The following SDC4 variants were observed in gnomAD, a reference collection of about 807,000 sequenced individuals.
SDC4 encodes the protein syndecan 4, also known as syndecan-4.
A neutral mutation model predicts 20.5 loss-of-function variants in SDC4; 17 were observed. The ratio of observed to expected loss-of-function variants is 0.83; its 90% CI spans 0.57 to 1.25. The LOEUF is 1.25. Ranked by LOEUF, SDC4 falls within the 50% of genes most tolerant of loss-of-function variation. The pLI, the probability that SDC4 is intolerant of heterozygous loss-of-function variation, is 0.00. For missense variants in SDC4, 241 were observed against 252.3 expected (o/e 0.96, Z 0.30); for synonymous variants, 107 against 105.3 (o/e 1.02, Z -0.10).
intron 1 of SDC4, among the ~76,000 whole-genome samples, chr20:45,338,421 A>G (rs1220798125): frequency 6.6e-6 from 1 of 152,176 alleles, no homozygotes; most frequent in Admixed American, 6.5e-5. Flanking sequence ...CCAGCTGTTG[A>G]CCAGGTCAAA....
chr20:45,345,217 C>A (rs535293616), intron 1 of SDC4: 1 of 152,144 alleles, frequency 6.6e-6, no homozygotes, highest in Non-Finnish European at 1.5e-5. Flanking sequence ...TTCCTGCCCT[C>A]AGTGTGCGGG....
At chr20:45,338,333 C>A (rs960030460) in intron 1 of SDC4, among the ~76,000 whole-genome samples, 1 of 152,032 alleles carries the variant, frequency 6.6e-6, no homozygotes, top group East Asian at 1.9e-4. Context: ...GGTCACCAGC[C>A]TGCCCCAGGC....
At chr20:45,335,498 C>T (rs954251554) in intron 2 of SDC4, among the ~76,000 whole-genome samples, 4 of 151,956 alleles carry the variant, frequency 2.6e-5, no homozygotes, top group Non-Finnish European at 5.9e-5. Flanking sequence ...CCACCATGCC[C>T]TGCAGAAAAG....
rs1987695393 is a variant in SDC4 at position 45,326,677 on chromosome 20, T to TC, written c.*586dup. ...AAACTCTCAGCTCTTTTCCCCATCC[T>TC]CCCCCCCAAATAAAAAAGGTTGATT... On this transcript the variant is annotated 3_prime_UTR_variant, in exon 5 of 5. Coordinates refer to ENST00000372733, the MANE Select transcript of SDC4 (RefSeq NM_002999.4). 2.0e-5 allele frequency: 3 copies of TC among 151,696 alleles called. No homozygotes were observed. 9.4% of individuals were successfully genotyped at this position (151,696 alleles called of 1,614,324 possible).
chr20:45,333,401 G>T (rs774140751), intron 2 of SDC4, among the ~76,000 whole-genome samples: 15 of 152,258 alleles, frequency 9.9e-5, no homozygotes, highest in Non-Finnish European at 2.2e-4. Context: ...AGGCGCGGTG[G>T]CTCACGCCTG....
At chr20:45,330,680 T>G in intron 3 of SDC4, 116 bp from the exon 4 acceptor site, 1 of 880,174 alleles carries the variant, frequency 1.1e-6, no homozygotes, top group Non-Finnish European at 1.8e-6. Context: ...AGCTGAACCA[T>G]ATGGTCCTGG....
chr20:45,330,867 GC>G (rs1987766988), intron 3 of SDC4, among the ~76,000 whole-genome samples: 1 of 152,188 alleles, frequency 6.6e-6, no homozygotes, highest in Admixed American at 6.5e-5. Context: ...AAGCAATTTG[GC>G]AAAACCTTAG....
At chr20:45,339,167 A>G (rs1987918561) in intron 1 of SDC4, among the ~76,000 whole-genome samples, 1 of 152,148 alleles carries the variant, frequency 6.6e-6, no homozygotes, top group South Asian at 2.1e-4. Flanking sequence ...TTTTTGTGTA[A>G]AGGTTGGGAA....
chr20:45,338,505 C>T (rs986376434), intron 1 of SDC4, among the ~76,000 whole-genome samples: 2 of 152,276 alleles, frequency 1.3e-5, no homozygotes, highest in East Asian at 3.9e-4. Context: ...CCCTCACTGC[C>T]CCCAGGAGCC....
At chr20:45,332,143 A>G (rs1191463916) in intron 3 of SDC4, among the ~76,000 whole-genome samples, 3 of 146,750 alleles carry the variant, frequency 2.0e-5, no homozygotes, top group Non-Finnish European at 4.5e-5. Context: ...CGCAGTTCAT[A>G]GAATTATATA....
intron 1 of SDC4, among the ~76,000 whole-genome samples, chr20:45,337,397 C>T (rs1040023655): frequency 6.6e-6 from 1 of 152,212 alleles, no homozygotes; most frequent in Non-Finnish European, 1.5e-5. Flanking sequence ...AGCTGGGGGT[C>T]TGCTTAGAAT....
chr20:45,348,226 C>T (rs965515870), intron 1 of SDC4, 99 bp downstream of exon 1: 2 of 1,072,474 alleles, frequency 1.9e-6, no homozygotes, highest in Admixed American at 2.2e-5. Context: ...GGTAGCGTAC[C>T]CCCGATCTGC....
At chr20:45,348,244 C>T in intron 1 of SDC4, 81 bp downstream of exon 1, 3 of 1,173,982 alleles carry the variant, frequency 2.6e-6, no homozygotes, top group African/African-American at 1.6e-5. Context: ...TGCCCCCCCC[C>T]ATCCCACGCT....
At chr20:45,329,024 C>A in intron 4 of SDC4, among the ~76,000 whole-genome samples, 1 of 152,142 alleles carries the variant, frequency 6.6e-6, no homozygotes, top group African/African-American at 2.4e-5. Context: ...GCCAGGTCTG[C>A]CACTTCCAGC....
intron 1 of SDC4, among the ~76,000 whole-genome samples, chr20:45,336,487 G>C (rs1987870557): frequency 2.0e-5 from 3 of 152,180 alleles, no homozygotes; most frequent in African/African-American, 7.2e-5. Context: ...CCGAGCACTT[G>C]CTATGTGCTG....
chr20:45,335,672 G>T, intron 2 of SDC4, 110 bp downstream of exon 2: 1 of 1,182,848 alleles, frequency 8.5e-7, no homozygotes, highest in Non-Finnish European at 1.2e-6. Flanking sequence ...GGGCACTCTA[G>T]GAAAAGTCCC....
At position 45,327,128 on chromosome 20, in the gene SDC4, C is replaced by T. The variant is rs1221346721; in HGVS notation, c.*136G>A. The T allele has an allele frequency of 1.2e-6, 1 of 852,886 alleles. No homozygotes were observed. Among genetic ancestry groups the T allele is most frequent in the South Asian group, 2.0e-5 (1 of 49,318 alleles). The allele number at this position is 852,886 out of a possible 1,614,324, so 52.8% of individuals were successfully genotyped here. A position where few individuals can be genotyped will look rare whatever the true frequency, so the allele number is the denominator to read the frequency against. ...AGTAGAAGACAATGTCTCTTCTGAA[C>T]ACTTCAAAGGTAATCAGAGCTGGAG... On this transcript the variant is annotated 3_prime_UTR_variant, in exon 5 of 5. Transcript: ENST00000372733.
Position 45,326,150 on chromosome 20 carries a change from T to G in SDC4, c.*1114A>C, listed in dbSNP as rs1470428382. ...AGAACCAAGGAAGAATAATAATATA[T>G]TATAAGAACACAGACACAAATATCC... is the stretch of plus-strand genomic sequence containing the variant. On this transcript the variant is annotated 3_prime_UTR_variant, in exon 5 of 5. Transcript: ENST00000372733. 3 of 152,226 alleles carry G rather than the reference T, an allele frequency of 2.0e-5. No homozygotes were observed. The highest frequency in any genetic ancestry group is 7.2e-5 in the African/African-American group (3 of 41,412). 9.4% of individuals were successfully genotyped at this position (152,226 alleles called of 1,614,324 possible).
In SDC4 at chr20:45,330,574, C is replaced by A; in HGVS notation, c.247-10G>T. On this transcript the variant is annotated splice_polypyrimidine_tract_variant and intron_variant, in intron 3 of 4. Transcript: ENST00000372733. ...GGTTATCTAGAGGCACCTGGATGGG[C>A]GGAAAGGAGAAGAGACACTCAGCGT... The A allele has an allele frequency of 5.6e-6, 9 of 1,613,064 alleles. No homozygotes were observed. Among genetic ancestry groups the A allele is most frequent in the Non-Finnish European group, 7.6e-6 (9 of 1,179,308 alleles).
Sources: gnomAD v4.1 joint callset for allele counts (sites outside exome capture counted in the v4.1 genomes callset) on GRCh38, gnomAD v4.1.1 for gene constraint, MANE v1.5 for transcripts, NCBI Gene and HGNC (gene_info 2026-07-23, HGNC 2026-07-21) for gene names.